Variants in DCHS1 observed in about 807,000 individuals in gnomAD.
DCHS1 encodes the protein protocadherin-16.
DCHS1 carries 78 observed loss-of-function variants against 213.9 expected under a neutral mutation model. That is an observed-to-expected ratio of 0.36 (90% confidence interval 0.30 to 0.44). The LOEUF (loss-of-function observed/expected upper bound fraction) is 0.44. Ranked by LOEUF, DCHS1 falls within the 20% of genes least tolerant of loss-of-function variation. The probability of loss-of-function intolerance (pLI) is 1.00; values close to 1 mark genes in which losing one functional copy is unlikely to be tolerated. For missense variants in DCHS1, 3,946 were observed against 4,395.9 expected (o/e 0.90, Z 2.89); for synonymous variants, 1,828 against 1,873.7 (o/e 0.98, Z 0.63).
At chr11:6,649,809 G>C (rs1856219311) in intron 1 of DCHS1, among the ~76,000 whole-genome samples, 1 of 152,136 alleles carries the variant, frequency 6.6e-6, no homozygotes, top group South Asian at 2.1e-4. Flanking sequence ...GGCCAGCAAG[G>C]CCAGAGCTAG....
rs142707725 is a variant in DCHS1 at position 6,632,729 on chromosome 11, C to T, written c.2783G>A (p.Arg928Gln). ...CCCAGCAAGCAGGGTAAAGGTGACT[C>T]GACTGTTAACACCTGAGTCGGGGTC... ...ALDPDSGVNS[R>Q]VTFTLLAGGG... is the part of the protein sequence containing the mutation. The change falls in exon 6 of 21, where the codon CGA becomes CAA. Residue 928 changes from arginine (R) to glutamine (Q), a missense_variant. Physicochemically the swap from Arg to Gln is conservative, Grantham distance 43. This residue lies in a region of DCHS1 where 3,384 missense variants were observed against 3,780.1 expected (regional missense o/e 0.90). Coordinates refer to ENST00000299441, the MANE Select transcript of DCHS1 (RefSeq NM_003737.4). This position sits in a 1 kb window ranked among gnomAD's most constrained non-coding sequence, Gnocchi z 5.9. 16 of 1,606,550 alleles carry T rather than the reference C, an allele frequency of 1.0e-5. No individual in the cohort carries two copies. The highest frequency in any genetic ancestry group is 6.7e-5 in the South Asian group (6 of 89,672).
Position 6,623,053 on chromosome 11 carries a change from G to T in DCHS1, c.8623C>A (p.Arg2875=). 6.3e-7 allele frequency: 1 copy of T among 1,579,364 alleles called. No homozygotes were observed. Among genetic ancestry groups the T allele is most frequent in the East Asian group, 2.3e-5 (1 of 42,722 alleles). Residue 2875 remains arginine, a synonymous_variant, in exon 21 of 21, where the codon CGG becomes AGG. Transcript: ENST00000299441. ...GTGGCTGTTCCGCTGCCTGGTGCCC[G>T]ACTGTCCACCCGCAGGTACAGGGCT... is the stretch of plus-strand genomic sequence containing the variant. ...TGALYLRVDS[R]APGSGTATSG...
Position 6,640,216 on chromosome 11 carries a change from G to C in DCHS1, c.1398C>G (p.Asn466Lys). 1 of 1,612,988 alleles carries C rather than the reference G, an allele frequency of 6.2e-7. No homozygotes were observed. The highest frequency in any genetic ancestry group is 1.7e-5 in the Admixed American group (1 of 59,836). ...AAFVLHVTDV[N>K]DNAPAFDRQL... ...GGCGGTCAAAGGCAGGTGCATTGTC[G>C]TTGACATCAGTGACGTGCAGCACAA... Residue 466 changes from asparagine to lysine, a missense_variant, in exon 2 of 21, where the codon AAC becomes AAG. Asn to Lys is a moderately conservative substitution (Grantham distance 94). Coordinates refer to ENST00000299441, the MANE Select transcript of DCHS1 (RefSeq NM_003737.4). The surrounding 1 kb of genome is among the most constrained non-coding windows in gnomAD (Gnocchi z 6.5).
chr11:6,634,408 C>T (rs1458824743), intron 2 of DCHS1, 102 bp from the exon 3 acceptor site: 18 of 1,327,608 alleles, frequency 1.4e-5, no homozygotes, highest in Admixed American at 8.2e-5. Flanking sequence ...CTCTGGATGG[C>T]GGACACACAG....
rs754902629 is a variant in DCHS1 at position 6,628,520 on chromosome 11, A to C, written c.5371+101T>G. 2.2e-6 allele frequency: 3 copies of C among 1,355,576 alleles called. No homozygotes were observed. The highest frequency in any genetic ancestry group is 2.1e-6 in the Non-Finnish European group (2 of 957,014). 84.0% of individuals were successfully genotyped at this position (1,355,576 alleles called of 1,614,324 possible). A position where few individuals can be genotyped will look rare whatever the true frequency, so the allele number is the denominator to read the frequency against. ...AAAAGGTGGACGACATCAAGAGGGA[A>C]AAGGAGACCCAGACACATGCACTGA... is the stretch of plus-strand genomic sequence containing the variant. On this transcript the variant is annotated intron_variant, in intron 13 of 20. Coordinates refer to ENST00000299441, the MANE Select transcript of DCHS1 (RefSeq NM_003737.4). The surrounding 1 kb of genome is among the most constrained non-coding windows in gnomAD (Gnocchi z 4.3).
At position 6,622,694 on chromosome 11, in the gene DCHS1, A is replaced by G; in HGVS notation, c.8982T>C (p.Pro2994=). 11 of 1,593,514 alleles carry G rather than the reference A, an allele frequency of 6.9e-6. No homozygotes were observed. The highest frequency in any genetic ancestry group is 9.4e-6 in the Non-Finnish European group (11 of 1,170,260). ...DSLQKLGREP[P]SPPPSEHLYH... ...AGAGGTGCTCAGAGGGTGGTGGACTAGGTGGCTCCCGGCCCAGTTTCTGCA... is the reference window on the plus strand; with the variant it reads ...AGAGGTGCTCAGAGGGTGGTGGACTGGGTGGCTCCCGGCCCAGTTTCTGCA... The change falls in exon 21 of 21, where the codon CCT becomes CCC. Residue 2994 remains proline, a synonymous_variant. Coordinates refer to ENST00000299441, the MANE Select transcript of DCHS1 (RefSeq NM_003737.4). This position sits in a 1 kb window ranked among gnomAD's most constrained non-coding sequence, Gnocchi z 5.4.
intron 12 of DCHS1, among the ~76,000 whole-genome samples, chr11:6,629,094 A>G (rs572836744): frequency 6.6e-5 from 10 of 152,328 alleles, no homozygotes; most frequent in Non-Finnish European, 1.5e-4. Flanking sequence ...TCTGGGTTCA[A>G]GTCCCAGCCC....
rs1195155252 is a variant in DCHS1, at chr11:6,630,726, C to T, written c.4068G>A (p.Ala1356=). 1 of 1,543,610 alleles carries T rather than the reference C, an allele frequency of 6.5e-7. No homozygotes were observed. The highest frequency in any genetic ancestry group is 8.7e-7 in the Non-Finnish European group (1 of 1,147,446). Residue 1356 remains alanine, a synonymous_variant, in exon 10 of 21, where the codon GCG becomes GCA. Transcript: ENST00000299441. ...RPGSLLGSVA[A]PEPAGVGALT... The stretch of plus-strand genomic sequence containing the variant: ...GTGCACCCACACCCGCGGGCTCTGG[C>T]GCTGCCACCGAGCCCAACAGAGAGC...
At position 6,630,555 on chromosome 11, in the gene DCHS1, T is replaced by C. The variant is rs1426419454; in HGVS notation, c.4239A>G (p.Gly1413=). ...RALTVRAEGP[G]GAGARLLRVQ... is the part of the protein sequence containing the mutation. ...CTCGCAGCAGCCGCGCGCCCGCGCCTCCCGGCCCCTCAGCGCGTACCGTAA... is the reference window on the plus strand; with the variant it reads ...CTCGCAGCAGCCGCGCGCCCGCGCCCCCCGGCCCCTCAGCGCGTACCGTAA... Residue 1413 remains glycine (G), a synonymous_variant, in exon 10 of 21, where the codon GGA becomes GGG. Transcript: ENST00000299441. 1 of 1,535,388 alleles carries C rather than the reference T, an allele frequency of 6.5e-7. No individual in the cohort carries two copies. The highest frequency in any genetic ancestry group is 2.0e-5 in the Admixed American group (1 of 51,156).
intron 1 of DCHS1, among the ~76,000 whole-genome samples, chr11:6,651,712 T>C (rs1374163330): frequency 6.6e-6 from 1 of 152,156 alleles, no homozygotes; most frequent in Non-Finnish European, 1.5e-5. Flanking sequence ...CAGAGATTGC[T>C]GGAGAGAAGA....
At position 6,624,038 on chromosome 11, in the gene DCHS1, T is replaced by A; in HGVS notation, c.7638A>T (p.Pro2546=). Residue 2546 remains proline, a synonymous_variant, in exon 21 of 21, where the codon CCA becomes CCT. Coordinates refer to ENST00000299441, the MANE Select transcript of DCHS1 (RefSeq NM_003737.4). ...CCAGGCAGCCCAGTGCCCGGGGGCCTGGTCCAGCACTCTCCCCAGCCTCAG... is the reference window on the plus strand; with the variant it reads ...CCAGGCAGCCCAGTGCCCGGGGGCCAGGTCCAGCACTCTCCCCAGCCTCAG... ...RLAEAGESAG[P]GPRALGCLVL... 6.2e-7 allele frequency: 1 copy of A among 1,613,492 alleles called. No homozygotes were observed. The highest frequency in any genetic ancestry group is 8.5e-7 in the Non-Finnish European group (1 of 1,179,828).
At chr11:6,630,983 G>A in intron 9 of DCHS1, 70 bp downstream of exon 9, 1 of 1,536,190 alleles carries the variant, frequency 6.5e-7, no homozygotes, top group South Asian at 1.3e-5. Context: ...GGAGCCAAAG[G>A]ATTCCCGTGA....
chr11:6,621,662 T>C lies in DCHS1; in HGVS notation c.*117A>G. On this transcript the variant is annotated 3_prime_UTR_variant, in exon 21 of 21. Transcript: ENST00000299441. ...GAGTTCAGGGTGGAGAGCTGGGGCCTGGTGGTGGCCTCCCCGTAGCCAGTC... is the reference window on the plus strand; with the variant it reads ...GAGTTCAGGGTGGAGAGCTGGGGCCCGGTGGTGGCCTCCCCGTAGCCAGTC... 8.3e-7 allele frequency: 1 copy of C among 1,203,670 alleles called. No homozygotes were observed. Among genetic ancestry groups the C allele is most frequent in the Non-Finnish European group, 1.2e-6 (1 of 844,220 alleles). The allele number at this position is 1,203,670 out of a possible 1,614,324, so 74.6% of individuals were successfully genotyped here.
In DCHS1 at chr11:6,632,135, C is replaced by T. The variant is rs769293448; in HGVS notation, c.3377G>A (p.Arg1126Gln). The T allele has an allele frequency of 6.3e-6, 10 of 1,578,766 alleles. No homozygotes were observed. Among genetic ancestry groups the T allele is most frequent in the Middle Eastern group, 1.7e-4 (1 of 5,908 alleles). The change falls in exon 6 of 21, where the codon CGA (arginine) becomes CAA (glutamine). Residue 1126 changes from arginine to glutamine, a missense_variant. Arg to Gln is a conservative substitution (Grantham distance 43). This residue lies in a region of DCHS1 where 3,384 missense variants were observed against 3,780.1 expected (regional missense o/e 0.90). Transcript: ENST00000299441. The surrounding 1 kb of genome is among the most constrained non-coding windows in gnomAD (Gnocchi z 5.9). ...TGAGTCTCGGTCAGTGGCAAAGACT[C>T]GGCCCACGCTGGTCCCTGGGGGCTG... Reference protein sequence around the residue: ...ENQPPGTSVGRVFATDRDSGP... With the variant: ...ENQPPGTSVGQVFATDRDSGP...
At position 6,625,510 on chromosome 11, in the gene DCHS1, C is replaced by A; in HGVS notation, c.6863-29G>T. On this transcript the variant is annotated intron_variant, in intron 18 of 20. Coordinates refer to ENST00000299441, the MANE Select transcript of DCHS1 (RefSeq NM_003737.4). This position sits in a 1 kb window ranked among gnomAD's most constrained non-coding sequence, Gnocchi z 5.3. ...GAATACATGAGACTAGTGTGTTTGG[C>A]AATGGACACAGCCCCACCTTGAGCT... The A allele has an allele frequency of 1.2e-6, 2 of 1,607,316 alleles. No individual in the cohort carries two copies. The highest frequency in any genetic ancestry group is 1.7e-6 in the Non-Finnish European group (2 of 1,178,032).
chr11:6,640,105 G>C lies in DCHS1; in HGVS notation c.1509C>G (p.Gly503=), dbSNP rs368482324. 6.2e-7 allele frequency: 1 copy of C among 1,613,572 alleles called. No homozygotes were observed. Among genetic ancestry groups the C allele is most frequent in the African/African-American group, 1.3e-5 (1 of 74,938 alleles). ...GGCTATAAGTGACCTGACCATTGGT[G>C]CCTTGGTCAGGATCCCGAGCAGTCA... ...VRVTARDPDQ[G]TNGQVTYSLA... The change falls in exon 2 of 21, where the codon GGC becomes GGG. Residue 503 remains glycine (G), a synonymous_variant. Transcript: ENST00000299441. This position sits in a 1 kb window ranked among gnomAD's most constrained non-coding sequence, Gnocchi z 6.5.
In DCHS1 at chr11:6,632,815, G is replaced by A. The variant is rs747081516; in HGVS notation, c.2697C>T (p.Asp899=). ...DNSPAFPAPE[D]TVLLPPNTAP... ...CAGTGTTTGGTGGTAGCAATACCGT[G>A]TCTTCAGGTGCAGGAAAGGCAGGGG... The change falls in exon 6 of 21, where the codon GAC becomes GAT. Residue 899 remains aspartate, a synonymous_variant. Transcript: ENST00000299441. This position sits in a 1 kb window ranked among gnomAD's most constrained non-coding sequence, Gnocchi z 5.9. 1.2e-6 allele frequency: 2 copies of A among 1,613,984 alleles called. No homozygotes were observed. The highest frequency in any genetic ancestry group is 1.7e-6 in the Non-Finnish European group (2 of 1,179,858).
In DCHS1 at chr11:6,640,069, G is replaced by A. The variant is rs147784593; in HGVS notation, c.1545C>T (p.Gly515=). 1,037 of 1,613,926 alleles carry A rather than the reference G, an allele frequency of 6.4e-4. 4 individuals carry two copies. In the African/African-American group the frequency reaches 9.1e-3, roughly 14 times the overall value. ...NGQVTYSLAP[G]AHTHWFSIDP... ...CAATGGAGAACCAGTGGGTGTGGGC[G>A]CCAGGGGCTAGGCTATAAGTGACCT... The change falls in exon 2 of 21, where the codon GGC becomes GGT. Residue 515 remains glycine, a synonymous_variant. Transcript: ENST00000299441. The surrounding 1 kb of genome is among the most constrained non-coding windows in gnomAD (Gnocchi z 6.5).
rs1043066813 is a variant in DCHS1 at position 6,628,335 on chromosome 11, A to C, written c.5371+286T>G. 6.6e-6 allele frequency among the ~76,000 whole-genome samples: 1 copy of C among 152,238 alleles called. No homozygotes were observed. Among genetic ancestry groups the C allele is most frequent in the African/African-American group, 2.4e-5 (1 of 41,462 alleles). On this transcript the variant is annotated intron_variant, in intron 13 of 20. Coordinates refer to ENST00000299441, the MANE Select transcript of DCHS1 (RefSeq NM_003737.4). The surrounding 1 kb of genome is among the most constrained non-coding windows in gnomAD (Gnocchi z 4.3). ...AACTCCTTAGGGTTCTCAAAAATTA[A>C]GAGTGTTAAGGGTTTTTGAGACCAA...
Sources: gnomAD v4.1 joint callset for allele counts (sites outside exome capture counted in the v4.1 genomes callset) on GRCh38, gnomAD v4.1.1 for gene constraint, gnomAD v4.1.1 regional missense constraint, Gnocchi (gnomAD v3.1) non-coding constraint, MANE v1.5 for transcripts, NCBI Gene and HGNC (gene_info 2026-07-23, HGNC 2026-07-21) for gene names.